SMTN: variants seen among roughly 807,000 people sequenced by gnomAD.
SMTN encodes the protein smoothelin.
Under a neutral mutation model 102.0 loss-of-function variants are expected in SMTN, and 58 were observed. That is an observed-to-expected ratio of 0.57 (90% CI 0.46 to 0.71). The LOEUF (loss-of-function observed/expected upper bound fraction) is 0.71, where lower values mean the gene tolerates loss of function less well. Among genes scored for constraint, SMTN ranks in the 30% least tolerant of loss-of-function variants. SMTN has a pLI of 0.00. For synonymous variants in SMTN, 478 were observed against 497.9 expected (o/e 0.96, Z 0.53); for missense variants, 1,185 against 1,241.7 (o/e 0.95, Z 0.69).
chr22:31,101,016 C>A lies in SMTN; in HGVS notation c.2735C>A (p.Thr912Asn), dbSNP rs1194358968. Residue 912 changes from threonine to asparagine, a missense_variant, in exon 20 of 21, where the codon ACC becomes AAC. Thr to Asn is a moderately conservative substitution (Grantham distance 65, BLOSUM62 0). This residue lies in a region of SMTN where 89 missense variants were observed against 128.9 expected (regional missense o/e 0.69). Transcript: ENST00000333137. ...RCLVQKGLVK[T>N]KKS is the part of the protein sequence containing the mutation. Reference sequence around the variant, plus strand: ...CTGGTCCAGAAGGGGCTGGTAAAAACCAAAAAGTCCTAACCCCTGCTCGGG... The same window carrying A: ...CTGGTCCAGAAGGGGCTGGTAAAAAACAAAAAGTCCTAACCCCTGCTCGGG... The A allele has an allele frequency of 1.9e-6, 3 of 1,612,350 alleles. No individual in the cohort carries two copies. The highest frequency in any genetic ancestry group is 2.5e-6 in the Non-Finnish European group (3 of 1,179,272).
intron 1 of SMTN, among the ~76,000 whole-genome samples, chr22:31,075,486 GC>G (rs1216585582): frequency 1.3e-5 from 2 of 152,112 alleles, no homozygotes; most frequent in African/African-American, 4.8e-5. Flanking sequence ...TTCAAGACCA[GC>G]CTGGCCAACA....
At chr22:31,074,367 T>A (rs2042079097) in intron 1 of SMTN, among the ~76,000 whole-genome samples, 2 of 151,694 alleles carry the variant, frequency 1.3e-5, no homozygotes. Context: ...GTGACAGAGA[T>A]CCTGTCTTAA....
intron 20 of SMTN, 72 bp from the exon 21 acceptor site, chr22:31,104,244 A>G: frequency 6.4e-7 from 1 of 1,553,880 alleles, no homozygotes; most frequent in Non-Finnish European, 8.8e-7. Flanking sequence ...AATAAAAAAG[A>G]CCTTGGGGTA....
At position 31,088,944 on chromosome 22, in the gene SMTN, C is replaced by T. The variant is rs188312885; in HGVS notation, c.446C>T (p.Ala149Val). The change falls in exon 6 of 21, where the codon GCG (alanine) becomes GTG (valine). Residue 149 changes from alanine (A) to valine (V), a missense_variant. Transcript: ENST00000333137. The stretch of plus-strand genomic sequence containing the variant: ...TCAAGAGAGGACAGCAAGGGGCTAG[C>T]GGCACACAGGCTGGAACAGTGTGAG... ...SGSREDSKGL[A>V]AHRLEQCEVP... The T allele has an allele frequency of 2.1e-4, 342 of 1,613,714 alleles. 2 individuals are homozygous for T. In the East Asian group the frequency reaches 6.2e-3, roughly 29 times the overall value.
rs916723855 is a variant in SMTN, at chr22:31,100,552, G to A, written c.2604-333G>A. On this transcript the variant is annotated intron_variant, in intron 19 of 20. Transcript: ENST00000333137. The stretch of plus-strand genomic sequence containing the variant: ...GGCACAGCCCTCCTCTCCAACCTTG[G>A]TGCCAACGCCATCGCCCCCACCCCG... Among the ~76,000 whole-genome samples, 7 of 151,136 alleles carry A rather than the reference G, an allele frequency of 4.6e-5. No individual in the cohort carries two copies. The South Asian group carries it at 6.3e-4, about 14-fold the overall frequency.
intron 11 of SMTN, among the ~76,000 whole-genome samples, chr22:31,094,499 C>T (rs1037050884): frequency 2.0e-5 from 3 of 152,292 alleles, no homozygotes; most frequent in Admixed American, 6.5e-5. Context: ...CGGGAACTGG[C>T]AGCACAGAGC....
intron 1 of SMTN, chr22:31,064,782 C>A (rs2041803520): frequency 6.6e-6 from 1 of 152,160 alleles, no homozygotes. Context: ...TTATCCTAAA[C>A]TCTTCATTTC....
chr22:31,069,604 G>T (rs1190177026), intron 1 of SMTN, among the ~76,000 whole-genome samples: 1 of 152,208 alleles, frequency 6.6e-6, no homozygotes, highest in East Asian at 1.9e-4. Context: ...AGGGAGAGAA[G>T]GAGTCAGGAA....
At chr22:31,079,202 C>T (rs968786319), upstream of SMTN, among the ~76,000 whole-genome samples, 2 of 152,208 alleles carry the variant, frequency 1.3e-5, no homozygotes, top group South Asian at 2.1e-4. Flanking sequence ...ACTCTTTCCT[C>T]GGCTGTAGCT....
chr22:31,071,514 G>A (rs1043642389), intron 1 of SMTN, among the ~76,000 whole-genome samples: 5 of 151,794 alleles, frequency 3.3e-5, no homozygotes, highest in Admixed American at 6.6e-5. Context: ...GGCATGCACC[G>A]GCTGAGGTGG....
chr22:31,089,568 C>G, intron 6 of SMTN, 131 bp from the exon 7 acceptor site: 1 of 795,052 alleles, frequency 1.3e-6, no homozygotes, highest in South Asian at 1.6e-5. Context: ...GCAGGTGTGC[C>G]TACAGGAAGC....
intron 20 of SMTN, chr22:31,101,948 G>A (rs1213280469): frequency 6.6e-6 from 1 of 152,158 alleles, no homozygotes; most frequent in Non-Finnish European, 1.5e-5. Context: ...TAGCTTAAGA[G>A]CTAGAGAGAC....
Position 31,093,863 on chromosome 22 carries a change from G to A in SMTN, c.1633-1440G>A, listed in dbSNP as rs780814225. On this transcript the variant is annotated intron_variant, in intron 11 of 20. Transcript: ENST00000333137. ...CGCCGCTCCTCCACCGGCACCACCC[G>A]CAGCACTAGTCTCGTAAGTGCTTCT... is the stretch of plus-strand genomic sequence containing the variant. The A allele has an allele frequency of 6.6e-5, 104 of 1,576,456 alleles. No individual in the cohort carries two copies. The highest frequency in any genetic ancestry group is 7.5e-5 in the Non-Finnish European group (87 of 1,166,978).
chr22:31,075,940 G>A (rs2042117069), intron 1 of SMTN, among the ~76,000 whole-genome samples: 1 of 152,160 alleles, frequency 6.6e-6, no homozygotes. Flanking sequence ...AGACCATGGG[G>A]GACCCCAGGC....
chr22:31,088,189 C>T (rs2042846228), intron 3 of SMTN, 76 bp downstream of exon 3: 4 of 1,469,342 alleles, frequency 2.7e-6, no homozygotes, highest in Admixed American at 2.2e-5. Flanking sequence ...TGCAGGCAGG[C>T]GTGAGCACAA....
rs761348312 is a variant in SMTN at position 31,091,198 on chromosome 22, G to C, written c.1175G>C (p.Arg392Pro). 4.3e-6 allele frequency: 7 copies of C among 1,612,888 alleles called. No individual in the cohort carries two copies. The highest frequency in any genetic ancestry group is 2.7e-5 in the African/African-American group (2 of 75,000). Residue 392 changes from arginine (R) to proline (P), a missense_variant, in exon 10 of 21, where the codon CGG becomes CCG. Around this residue, in one of 2 missense-constraint regions of SMTN, gnomAD observed 1,096 missense variants for 1,112.7 expected, o/e 0.98. Transcript: ENST00000333137. ...CGGGGCCCCAGTGATACCTCCTCCC[G>C]GTTCAGCAAGGAGCAACGAGGAGTA... ...SSRGPSDTSS[R>P]FSKEQRGVAQ...
In SMTN at chr22:31,099,177, G is replaced by C; in HGVS notation, c.2449G>C (p.Glu817Gln). ...GTGTCGAGCCAAGACTCGCGGCTAC[G>C]AGGTGAGCCCCGGGAGGCCAGGGGG... ...DWCRAKTRGY[E>Q]HVDIQNFSSS... Residue 817 changes from glutamate (E) to glutamine (Q), a missense_variant and splice_region_variant, in exon 18 of 21, where the codon GAG becomes CAG. Glu to Gln is a conservative substitution (Grantham distance 29, BLOSUM62 2). This residue lies in a region of SMTN where 1,096 missense variants were observed against 1,112.7 expected (regional missense o/e 0.98). Transcript: ENST00000333137. The C allele has an allele frequency of 3.1e-6, 5 of 1,610,626 alleles. No individual in the cohort carries two copies. Among genetic ancestry groups the C allele is most frequent in the Non-Finnish European group, 4.2e-6 (5 of 1,178,342 alleles).
chr22:31,068,916 G>A (rs2041929467), intron 1 of SMTN, among the ~76,000 whole-genome samples: 1 of 152,170 alleles, frequency 6.6e-6, no homozygotes, highest in Non-Finnish European at 1.5e-5. Flanking sequence ...TGGTAATCTG[G>A]AGCCAGCCAG....
chr22:31,087,206 C>CT (rs1159067139), intron 2 of SMTN: 1 of 152,218 alleles, frequency 6.6e-6, no homozygotes, highest in African/African-American at 2.4e-5. Flanking sequence ...AGAAGGTGTT[C>CT]TTTCCTGAAC....
Sources: gnomAD v4.1 joint callset for allele counts (sites outside exome capture counted in the v4.1 genomes callset) on GRCh38, gnomAD v4.1.1 for gene constraint, gnomAD v4.1.1 regional missense constraint, MANE v1.5 for transcripts, NCBI Gene and HGNC (gene_info 2026-07-23, HGNC 2026-07-21) for gene names.